Variants in SLCO3A1 observed in about 807,000 individuals in gnomAD.
SLCO3A1 encodes the protein solute carrier organic anion transporter family member 3A1, also known as PGE1 transporter.
Under a neutral mutation model 63.1 loss-of-function variants are expected in SLCO3A1, and 27 were observed. The ratio of observed to expected loss-of-function variants is 0.43; its 90% CI spans 0.32 to 0.59. The LOEUF is 0.59. Ranked by LOEUF, SLCO3A1 falls within the 20% of genes least tolerant of loss-of-function variation. The pLI is 0.09. For missense variants in SLCO3A1, 773 were observed against 945.8 expected, an observed-to-expected ratio of 0.82 and a Z score of 2.40; for synonymous variants, 473 against 409.9, an observed-to-expected ratio of 1.15 and a Z score of -1.86.
Position 91,968,901 on chromosome 15 carries a change from C to G in SLCO3A1, c.646+52443C>G, listed in dbSNP as rs1014106074. 6.6e-6 allele frequency among the ~76,000 whole-genome samples: 1 copy of G among 152,186 alleles called. No individual in the cohort carries two copies. The highest frequency in any genetic ancestry group is 2.1e-4 in the South Asian group (1 of 4,830). ...TTTCTCTTTCCCCTACCCAGGGGAT[C>G]TGGCAAACTCGTGTTGCTCCATGTA... On this transcript the variant is annotated intron_variant, in intron 2 of 9. Transcript: ENST00000318445. The surrounding 1 kb of genome is among the most constrained non-coding windows in gnomAD (Gnocchi z 4.2).
At chr15:91,994,278 A>G (rs182673810) in intron 2 of SLCO3A1, among the ~76,000 whole-genome samples, 318 of 152,252 alleles carry the variant, frequency 2.1e-3, no homozygotes, top group African/African-American at 7.5e-3. Context: ...CATTTTATAC[A>G]TGTGGAAACT....
At chr15:92,143,418 T>A (rs1473584842) in intron 7 of SLCO3A1, among the ~76,000 whole-genome samples, 47 of 718 alleles carry the variant, frequency 0.065, 9 homozygotes, top group East Asian at 0.45. Flanking sequence ...AATATATATA[T>A]TATATATATA....
intron 1 of SLCO3A1, among the ~76,000 whole-genome samples, chr15:91,908,087 G>T (rs1898368811): frequency 6.6e-6 from 1 of 152,178 alleles, no homozygotes; most frequent in South Asian, 2.1e-4. Flanking sequence ...TGTAAGGGGG[G>T]ATTGTTATCT....
intron 1 of SLCO3A1, among the ~76,000 whole-genome samples, chr15:91,911,118 G>A (rs1458995072): frequency 6.6e-6 from 1 of 152,226 alleles, no homozygotes; most frequent in African/African-American, 2.4e-5. Flanking sequence ...TTTGGGCTAA[G>A]TGCTGATAGT....
At chr15:92,087,975 T>C (rs567590541) in intron 2 of SLCO3A1, among the ~76,000 whole-genome samples, 1 of 152,304 alleles carries the variant, frequency 6.6e-6, no homozygotes, top group South Asian at 2.1e-4. Context: ...CATGGTCGGA[T>C]TGCATCTAGA....
At position 92,006,046 on chromosome 15, in the gene SLCO3A1, A is replaced by C. The variant is rs1416852200; in HGVS notation, c.647-88835A>C. ...CAGGTGTGCTCAGGCTGTGTCTGTTAGCAGCTGAGTTGCTCTGTCGTCTCA... is the reference window on the plus strand; with the variant it reads ...CAGGTGTGCTCAGGCTGTGTCTGTTCGCAGCTGAGTTGCTCTGTCGTCTCA... On this transcript the variant is annotated intron_variant, in intron 2 of 9. Coordinates refer to ENST00000318445, the MANE Select transcript of SLCO3A1 (RefSeq NM_013272.4). Among the ~76,000 whole-genome samples, 5 of 152,294 alleles carry C rather than the reference A, an allele frequency of 3.3e-5. No individual in the cohort carries two copies. In the South Asian group the frequency reaches 8.3e-4, roughly 25 times the overall value.
intron 2 of SLCO3A1, among the ~76,000 whole-genome samples, chr15:91,965,438 T>G (rs1218534957): frequency 6.6e-6 from 1 of 152,198 alleles, no homozygotes; most frequent in African/African-American, 2.4e-5. Context: ...ATATCCTCCA[T>G]TGTGAGGAAC....
At position 92,053,778 on chromosome 15, in the gene SLCO3A1, C is replaced by T. The variant is rs2046989657; in HGVS notation, c.647-41103C>T. Among the ~76,000 whole-genome samples, 5 of 150,896 alleles carry T rather than the reference C, an allele frequency of 3.3e-5. No homozygotes were observed. The South Asian group carries it at 1.0e-3, about 32-fold the overall frequency. On this transcript the variant is annotated intron_variant, in intron 2 of 9. Coordinates refer to ENST00000318445, the MANE Select transcript of SLCO3A1 (RefSeq NM_013272.4). Reference sequence around the variant, plus strand: ...GGACACAGAGGTAAATTGTCATTCTCATCCCATCATATCAAGGGCACATAC... The same window carrying T: ...GGACACAGAGGTAAATTGTCATTCTTATCCCATCATATCAAGGGCACATAC...
intron 4 of SLCO3A1, 24 bp from the exon 5 acceptor site, chr15:92,120,441 C>T (rs1390573032): frequency 6.2e-7 from 1 of 1,611,310 alleles, no homozygotes; most frequent in South Asian, 1.1e-5. Flanking sequence ...TGACCCTGAC[C>T]ATCTGCCTTC....
Position 91,950,810 on chromosome 15 carries a change from G to A in SLCO3A1, c.646+34352G>A, listed in dbSNP as rs1433651918. The stretch of plus-strand genomic sequence containing the variant: ...TTATGGTATGTGCAATGCTAATTCT[G>A]CCTTTAGTAATTTGATGACAGAGAC... On this transcript the variant is annotated intron_variant, in intron 2 of 9. Transcript: ENST00000318445. This position sits in a 1 kb window ranked among gnomAD's most constrained non-coding sequence, Gnocchi z 4.4. 6.6e-6 allele frequency among the ~76,000 whole-genome samples: 1 copy of A among 152,002 alleles called. No individual in the cohort carries two copies. Among genetic ancestry groups the A allele is most frequent in the Non-Finnish European group, 1.5e-5 (1 of 68,016 alleles).
At chr15:92,019,952 C>G (rs1321474028) in intron 2 of SLCO3A1, among the ~76,000 whole-genome samples, 1 of 152,130 alleles carries the variant, frequency 6.6e-6, no homozygotes, top group Non-Finnish European at 1.5e-5. Flanking sequence ...AGGACTGTAT[C>G]AAAGCCCAAG....
At chr15:91,962,450 G>T (rs1166733139) in intron 2 of SLCO3A1, among the ~76,000 whole-genome samples, 1 of 128,042 alleles carries the variant, frequency 7.8e-6, no homozygotes, top group East Asian at 2.3e-4. Flanking sequence ...TTGCACTCCA[G>T]CCTGGGCAAC....
intron 1 of SLCO3A1, among the ~76,000 whole-genome samples, chr15:91,878,085 CTTTTTTTTTTTT>C (rs757889262): frequency 1.7e-5 from 2 of 119,854 alleles, no homozygotes; most frequent in African/African-American, 7.0e-5. Flanking sequence ...GGATTTAGGC[CTTTTTTTTTTTT>C]TTTTTTTTTG....
Position 91,986,438 on chromosome 15 carries a change from G to T in SLCO3A1, c.646+69980G>T, listed in dbSNP as rs1415456589. On this transcript the variant is annotated intron_variant, in intron 2 of 9. Coordinates refer to ENST00000318445, the MANE Select transcript of SLCO3A1 (RefSeq NM_013272.4). Reference sequence around the variant, plus strand: ...ACTGTCCCAAAGAAAGGTAGTATGAGTGACAGGTGTCATTTTAATTCTCTA... The same window carrying T: ...ACTGTCCCAAAGAAAGGTAGTATGATTGACAGGTGTCATTTTAATTCTCTA... Among the ~76,000 whole-genome samples the T allele has an allele frequency of 2.0e-5, 3 of 152,164 alleles. No homozygotes were observed. The East Asian group carries it at 5.8e-4, about 30-fold the overall frequency.
chr15:91,856,680 C>T lies in SLCO3A1; in HGVS notation c.180+2592C>T, dbSNP rs114498191. 0.011 allele frequency among the ~76,000 whole-genome samples: 1,678 copies of T among 152,218 alleles called. 28 individuals carry two copies. The highest frequency in any genetic ancestry group is 0.035 in the African/African-American group (1,472 of 41,532). On this transcript the variant is annotated intron_variant, in intron 1 of 9. Coordinates refer to ENST00000318445, the MANE Select transcript of SLCO3A1 (RefSeq NM_013272.4). This position sits in a 1 kb window ranked among gnomAD's most constrained non-coding sequence, Gnocchi z 4.9. ...GGGCAGGGTCCACGTGCTAAGTGTG[C>T]GTTATACGTGATCCTTACCTTGGCA...
intron 2 of SLCO3A1, among the ~76,000 whole-genome samples, chr15:92,079,856 G>A (rs2047321545): frequency 6.6e-6 from 1 of 152,234 alleles, no homozygotes; most frequent in Non-Finnish European, 1.5e-5. Flanking sequence ...CCCTTGCTGG[G>A]GGCTTGGGTG....
rs1460661183 is a variant in SLCO3A1, at chr15:92,163,248, G to C, written c.*113G>C. On this transcript the variant is annotated 3_prime_UTR_variant, in exon 10 of 10. Transcript: ENST00000318445. The stretch of plus-strand genomic sequence containing the variant: ...AACTCAGTACACACACACAGGCACA[G>C]ATGCACACACACGCAGACAGACACA... 1.4e-6 allele frequency: 2 copies of C among 1,411,170 alleles called. No individual in the cohort carries two copies. The highest frequency in any genetic ancestry group is 2.6e-5 in the East Asian group (1 of 38,594). 87.4% of individuals were successfully genotyped at this position (1,411,170 alleles called of 1,614,324 possible).
At chr15:92,069,626 C>CT (rs1304891691) in intron 2 of SLCO3A1, among the ~76,000 whole-genome samples, 2 of 152,190 alleles carry the variant, frequency 1.3e-5, no homozygotes. Flanking sequence ...TTACCAGGAC[C>CT]TTGGGGGCAG....
At chr15:92,129,897 T>A (rs2047972062) in intron 7 of SLCO3A1, among the ~76,000 whole-genome samples, 1 of 152,132 alleles carries the variant, frequency 6.6e-6, no homozygotes. Context: ...GAGAAACTGA[T>A]TTTTTAAAAT....
Sources: allele counts gnomAD v4.1 joint callset (sites outside exome capture counted in the v4.1 genomes callset), GRCh38; gene constraint gnomAD v4.1.1; non-coding constraint Gnocchi (gnomAD v3.1); transcripts MANE v1.5; gene names NCBI Gene and HGNC (gene_info 2026-07-23, HGNC 2026-07-21).